TBCA: variants seen among roughly 807,000 people sequenced by gnomAD.
TBCA encodes tubulin folding cofactor A, also known as tubulin-specific chaperone A.
A neutral mutation model predicts 15.8 loss-of-function variants in TBCA; 6 were observed. The observed-to-expected ratio is 0.38, with a 90% CI of 0.21 to 0.75. The LOEUF (loss-of-function observed/expected upper bound fraction) is 0.75, where lower values mean the gene tolerates loss of function less well. Among genes scored for constraint, TBCA ranks in the 30% least tolerant of loss-of-function variants. TBCA has a pLI of 0.46. For missense variants in TBCA, 90 were observed against 131.2 expected (o/e 0.69, Z 1.53); for synonymous variants, 32 against 42.3 (o/e 0.76, Z 0.94).
intron 1 of TBCA, among the ~76,000 whole-genome samples, chr5:77,728,949 A>G (rs77450610): frequency 4.0e-4 from 61 of 152,306 alleles, no homozygotes; most frequent in African/African-American, 1.4e-3. Flanking sequence ...TTAAGGGCAG[A>G]ATAACATTGA....
chr5:77,713,537 A>C (rs1746330526), intron 1 of TBCA, among the ~76,000 whole-genome samples: 1 of 152,180 alleles, frequency 6.6e-6, no homozygotes, highest in Non-Finnish European at 1.5e-5. Context: ...TCCTAAAAAA[A>C]TATTTTAAAT....
intron 1 of TBCA, among the ~76,000 whole-genome samples, chr5:77,761,600 C>T (rs1349274151): frequency 3.3e-5 from 5 of 151,852 alleles, no homozygotes; most frequent in Admixed American, 3.3e-4. Context: ...CTGCCACATC[C>T]CCCTCTCCGA....
intron 1 of TBCA, among the ~76,000 whole-genome samples, chr5:77,721,661 C>T (rs1250291499): frequency 6.6e-6 from 1 of 151,992 alleles, no homozygotes; most frequent in Non-Finnish European, 1.5e-5. Context: ...TCCTTAACTG[C>T]TTAATTACTT....
At chr5:77,748,029 T>C (rs566153119) in intron 1 of TBCA, among the ~76,000 whole-genome samples, 4 of 152,328 alleles carry the variant, frequency 2.6e-5, no homozygotes, top group East Asian at 1.9e-4. Context: ...AGATCACTAA[T>C]ACAGAACTGT....
At position 77,729,474 on chromosome 5, in the gene TBCA, T is replaced by G. The variant is rs1201691450; in HGVS notation, c.54-21127A>C. ...CCAGAAAAAAAGAGAATTAGATAAA[T>G]GGAATGCTTCATAACTAAAGTAGAT... On this transcript the variant is annotated intron_variant, in intron 1 of 3. Coordinates refer to ENST00000380377, the MANE Select transcript of TBCA (RefSeq NM_004607.3). Among the ~76,000 whole-genome samples, 3 of 152,120 alleles carry G rather than the reference T, an allele frequency of 2.0e-5. 1 individual carries two copies.
intron 1 of TBCA, among the ~76,000 whole-genome samples, chr5:77,760,515 C>T (rs989586620): frequency 1.3e-5 from 2 of 152,152 alleles, no homozygotes; most frequent in African/African-American, 2.4e-5. Flanking sequence ...CTCCCGGCCT[C>T]GGGCTCCCAT....
chr5:77,696,503 C>T (rs956782347), intron 2 of TBCA, among the ~76,000 whole-genome samples: 3 of 152,066 alleles, frequency 2.0e-5, no homozygotes, highest in Non-Finnish European at 4.4e-5. Flanking sequence ...TGTAAATACA[C>T]TAGTTAAGAG....
rs558821071 is a variant in TBCA, at chr5:77,740,043, C to T, written c.54-31696G>A. Among the ~76,000 whole-genome samples, 10 of 152,184 alleles carry T rather than the reference C, an allele frequency of 6.6e-5. No individual in the cohort carries two copies. In the South Asian group the frequency reaches 1.7e-3, roughly 25 times the overall value. On this transcript the variant is annotated intron_variant, in intron 1 of 3. Coordinates refer to ENST00000380377, the MANE Select transcript of TBCA (RefSeq NM_004607.3). ...TGAGTAGGAATTAGCAGGACAGAGACTGGAAAAAGGATATCTGGCAGGAGT... is the reference window on the plus strand; with the variant it reads ...TGAGTAGGAATTAGCAGGACAGAGATTGGAAAAAGGATATCTGGCAGGAGT...
rs374278672 is a variant in TBCA, at chr5:77,708,229, G to T, written c.159+13C>A. ...GTAAATGTTAGCTATTGTTATTTATGATATAATTTTACCTGCTTTTTAATG... is the reference window on the plus strand; with the variant it reads ...GTAAATGTTAGCTATTGTTATTTATTATATAATTTTACCTGCTTTTTAATG... On this transcript the variant is annotated intron_variant, in intron 2 of 3. Coordinates refer to ENST00000380377, the MANE Select transcript of TBCA (RefSeq NM_004607.3). 295 of 1,239,160 alleles carry T rather than the reference G, an allele frequency of 2.4e-4. 2 individuals carry two copies. The African/African-American group carries it at 3.5e-3, about 15-fold the overall frequency. The allele number at this position is 1,239,160 out of a possible 1,614,324, so 76.8% of individuals were successfully genotyped here. A position where few individuals can be genotyped will look rare whatever the true frequency, so the allele number is the denominator to read the frequency against.
intron 1 of TBCA, among the ~76,000 whole-genome samples, chr5:77,747,685 T>C (rs945773754): frequency 1.3e-5 from 2 of 152,178 alleles, no homozygotes; most frequent in Non-Finnish European, 2.9e-5. Flanking sequence ...AGCAATGAGC[T>C]AGCAAGGTGC....
chr5:77,751,190 A>G (rs1350841727), intron 1 of TBCA, among the ~76,000 whole-genome samples: 3 of 101,198 alleles, frequency 3.0e-5, no homozygotes, highest in Admixed American at 1.5e-4. Flanking sequence ...TTTGAGACAC[A>G]GTTTCGCTCT....
At position 77,712,583 on chromosome 5, in the gene TBCA, C is replaced by T. The variant is rs188921992; in HGVS notation, c.54-4236G>A. ...ATATTTATAAAAAATTATAAAAAAA[C>T]AAAATTTTAAAAATCACTCATAATC... On this transcript the variant is annotated intron_variant, in intron 1 of 3. Coordinates refer to ENST00000380377, the MANE Select transcript of TBCA (RefSeq NM_004607.3). 2.0e-3 allele frequency among the ~76,000 whole-genome samples: 309 copies of T among 151,952 alleles called. 3 individuals are homozygous for T. Among genetic ancestry groups the T allele is most frequent in the Middle Eastern group, 6.8e-3 (2 of 294 alleles).
intron 3 of TBCA, chr5:77,692,763 A>T (rs1301946480): frequency 1.0e-6 from 1 of 998,360 alleles, no homozygotes; most frequent in African/African-American, 1.7e-5. Flanking sequence ...TTATACCAGC[A>T]AGTATAAGTG....
At chr5:77,730,726 C>CCCAT (rs1242928864) in intron 1 of TBCA, among the ~76,000 whole-genome samples, 1 of 152,066 alleles carries the variant, frequency 6.6e-6, no homozygotes, top group Non-Finnish European at 1.5e-5. Flanking sequence ...CACCCACCTA[C>CCCAT]CCATCCATCC....
chr5:77,720,290 T>G (rs1746498484), intron 1 of TBCA, among the ~76,000 whole-genome samples: 1 of 152,170 alleles, frequency 6.6e-6, no homozygotes, highest in Non-Finnish European at 1.5e-5. Context: ...GGGTTTTGTT[T>G]TGTTTTTAAG....
chr5:77,716,920 G>A (rs185763228), intron 1 of TBCA, among the ~76,000 whole-genome samples: 43 of 152,258 alleles, frequency 2.8e-4, no homozygotes, highest in African/African-American at 8.7e-4. Context: ...GTTTAGGCAC[G>A]TGCAAATGAC....
At chr5:77,725,258 TCTCCTGTCTTTA>T (rs1202654908) in intron 1 of TBCA, among the ~76,000 whole-genome samples, 1 of 152,168 alleles carries the variant, frequency 6.6e-6, no homozygotes, top group Non-Finnish European at 1.5e-5. Flanking sequence ...ATTCTACTAA[TCTCCTGTCTTTA>T]CTCCATTTAT....
intron 1 of TBCA, among the ~76,000 whole-genome samples, chr5:77,738,489 G>A (rs1746960965): frequency 6.6e-6 from 1 of 152,206 alleles, no homozygotes; most frequent in Non-Finnish European, 1.5e-5. Context: ...AACAAAACAA[G>A]CAGTCAGTAA....
chr5:77,748,049 T>C (rs1448003631), intron 1 of TBCA, among the ~76,000 whole-genome samples: 1 of 152,218 alleles, frequency 6.6e-6, no homozygotes, highest in Non-Finnish European at 1.5e-5. Context: ...TTTACCAAGC[T>C]AACTTAGTTT....
Sources: gnomAD v4.1 joint callset for allele counts (sites outside exome capture counted in the v4.1 genomes callset) on GRCh38, gnomAD v4.1.1 for gene constraint, MANE v1.5 for transcripts, NCBI Gene and HGNC (gene_info 2026-07-23, HGNC 2026-07-21) for gene names.